LIN7C: variants seen among roughly 807,000 people sequenced by gnomAD.
The protein encoded by LIN7C is protein lin-7 homolog C.
LIN7C carries 17 observed loss-of-function variants against 24.7 expected under a neutral mutation model. The ratio of observed to expected loss-of-function variants is 0.69; its 90% CI spans 0.47 to 1.03. LIN7C has a LOEUF of 1.03. LIN7C is among the 50% of genes least tolerant of loss of function. The pLI, the probability that LIN7C is intolerant of heterozygous loss-of-function variation, is 0.00. For missense variants in LIN7C, 204 were observed against 239.0 expected (o/e 0.85, Z 0.97); for synonymous variants, 90 against 83.4 (o/e 1.08, Z -0.43).
intron 3 of LIN7C, among the ~76,000 whole-genome samples, chr11:27,500,318 C>T (rs1386683557): frequency 6.6e-6 from 1 of 152,024 alleles, no homozygotes; most frequent in African/African-American, 2.4e-5. Context: ...CATGGAGTTG[C>T]CCTTATATGT....
In LIN7C at chr11:27,499,784, G is replaced by A. The variant is rs184419002; in HGVS notation, c.229-216C>T. ...ACTACAGGCGCCTGCCACCACGCCC[G>A]GCTAATTTTTTTGTATTTTTTTTTA... is the stretch of plus-strand genomic sequence containing the variant. On this transcript the variant is annotated intron_variant, in intron 3 of 4. Coordinates refer to ENST00000278193, the MANE Select transcript of LIN7C (RefSeq NM_018362.4). Among the ~76,000 whole-genome samples, 8 of 151,476 alleles carry A rather than the reference G, an allele frequency of 5.3e-5. No individual in the cohort carries two copies. In the South Asian group the frequency reaches 6.2e-4, roughly 12 times the overall value.
chr11:27,500,904 C>T (rs1784591763), intron 3 of LIN7C, among the ~76,000 whole-genome samples: 1 of 152,178 alleles, frequency 6.6e-6, no homozygotes, highest in African/African-American at 2.4e-5. Context: ...CCATAAAAAA[C>T]TATCTGCTGA....
chr11:27,494,512 C>A lies in LIN7C; in HGVS notation c.*4137G>T, dbSNP rs544090352. 15 of 152,136 alleles carry A rather than the reference C, an allele frequency of 9.9e-5. No homozygotes were observed. The highest frequency in any genetic ancestry group is 3.4e-4 in the African/African-American group (14 of 41,526). The allele number at this position is 152,136 out of a possible 1,614,324, so 9.4% of individuals were successfully genotyped here. A position where few individuals can be genotyped will look rare whatever the true frequency, so the allele number is the denominator to read the frequency against. On this transcript the variant is annotated 3_prime_UTR_variant, in exon 5 of 5. Coordinates refer to ENST00000278193, the MANE Select transcript of LIN7C (RefSeq NM_018362.4). ...AGGAATTATGTTTTTTTATACATAC[C>A]TTTCATAAACGTTATCTATTGTGTA...
rs767147469 is a variant in LIN7C, at chr11:27,498,639, T to G, written c.*10A>C. 1.2e-6 allele frequency: 2 copies of G among 1,601,974 alleles called. No homozygotes were observed. The highest frequency in any genetic ancestry group is 2.7e-5 in the African/African-American group (2 of 74,196). On this transcript the variant is annotated 3_prime_UTR_variant, in exon 5 of 5. Transcript: ENST00000278193. ...AAAACGCAAAATGAAATATCAAGTT[T>G]TGAAATGTATTAGGTCTGTTGCCTG...
chr11:27,502,097 G>A (rs537343821), intron 1 of LIN7C, among the ~76,000 whole-genome samples, 177 bp from the exon 2 acceptor site: 3 of 152,290 alleles, frequency 2.0e-5, no homozygotes, highest in South Asian at 4.1e-4. Context: ...GTACACACAT[G>A]GAGGGTGAGA....
rs1035564044 is a variant in LIN7C, at chr11:27,494,985, CAT to C, written c.*3662_*3663del. 1 of 152,582 alleles carries C rather than the reference CAT, an allele frequency of 6.6e-6. No individual in the cohort carries two copies. The highest frequency in any genetic ancestry group is 2.4e-5 in the African/African-American group (1 of 41,430). 9.5% of individuals were successfully genotyped at this position (152,582 alleles called of 1,614,324 possible). On this transcript the variant is annotated 3_prime_UTR_variant, in exon 5 of 5. Transcript: ENST00000278193. ...TTCCACATTATAAAATATTCACAAA[CAT>C]GTAGTTTTTTAAGTCTACACCAGGT...
intron 1 of LIN7C, among the ~76,000 whole-genome samples, chr11:27,502,627 C>T (rs1865237429): frequency 1.3e-5 from 2 of 152,092 alleles, no homozygotes; most frequent in Admixed American, 6.5e-5. Flanking sequence ...TCAATACCAC[C>T]TGTGTGACCT....
At position 27,501,911 on chromosome 11, in the gene LIN7C, C is replaced by T; in HGVS notation, c.47G>A (p.Arg16Lys). ...EPVRLERDIC[R>K]AIELLEKLQR... ...TAGTTTTTCCAATAATTCAATTGCT[C>T]TACAAATATCTAGAGTTAAACACAC... is the stretch of plus-strand genomic sequence containing the variant. The change falls in exon 2 of 5, where the codon AGA (arginine) becomes AAA (lysine). Residue 16 changes from arginine (R) to lysine (K), a missense_variant. Physicochemically the swap from Arg to Lys is conservative, Grantham distance 26. This residue lies in a region of LIN7C where 126 missense variants were observed against 117.8 expected (regional missense o/e 1.07). Transcript: ENST00000278193. 6.3e-7 allele frequency: 1 copy of T among 1,579,668 alleles called. No homozygotes were observed. Among genetic ancestry groups the T allele is most frequent in the Non-Finnish European group, 8.7e-7 (1 of 1,149,238 alleles).
chr11:27,501,617 T>TGAAGTTAAAACTTCAGGC (rs1554974264), intron 2 of LIN7C, 51 bp from the exon 3 acceptor site: 1 of 1,021,544 alleles, frequency 9.8e-7, no homozygotes, highest in Non-Finnish European at 1.5e-6. Context: ...GAGTTCTCTG[T>TGAAGTTAAAACTTCAGGC]GAAGTTAAAA....
Position 27,501,579 on chromosome 11 carries a change from A to G in LIN7C, c.157-13T>C. ...CATGTTCATATACCTGTAAAAGCCA[A>G]AGTTATATCTCAGAATATACCATGC... On this transcript the variant is annotated splice_polypyrimidine_tract_variant and intron_variant, in intron 2 of 4. Coordinates refer to ENST00000278193, the MANE Select transcript of LIN7C (RefSeq NM_018362.4). 6.6e-7 allele frequency: 1 copy of G among 1,518,072 alleles called. No homozygotes were observed. The highest frequency in any genetic ancestry group is 9.0e-7 in the Non-Finnish European group (1 of 1,114,912). 94.0% of individuals were successfully genotyped at this position (1,518,072 alleles called of 1,614,324 possible).
chr11:27,506,059 T>C (rs1590446204), intron 1 of LIN7C, among the ~76,000 whole-genome samples: 1 of 152,198 alleles, frequency 6.6e-6, no homozygotes. Flanking sequence ...AGCCAACCAG[T>C]TTGCAATTGT....
rs1379926132 is a variant in LIN7C at position 27,498,714 on chromosome 11, C to G, written c.529G>C (p.Val177Leu). Reference sequence around the variant, plus strand: ...AAGCGCGACTCCATTTCTTCTAAGACTTTGGGTGTGTATCGTACCACTAAT... The same window carrying G: ...AAGCGCGACTCCATTTCTTCTAAGAGTTTGGGTGTGTATCGTACCACTAAT... ...VKLVVRYTPK[V>L]LEEMESRFEK... The change falls in exon 5 of 5, where the codon GTC (valine) becomes CTC (leucine). Residue 177 changes from valine (V) to leucine (L), a missense_variant. By Grantham distance (32) the Val-to-Leu change is conservative. Around this residue, in one of 3 missense-constraint regions of LIN7C, gnomAD observed 74 missense variants for 99.6 expected, o/e 0.74. Transcript: ENST00000278193. 1 of 1,613,886 alleles carries G rather than the reference C, an allele frequency of 6.2e-7. No individual in the cohort carries two copies. Among genetic ancestry groups the G allele is most frequent in the Non-Finnish European group, 8.5e-7 (1 of 1,179,962 alleles).
Position 27,496,593 on chromosome 11 carries a change from AC to A in LIN7C, c.*2055del, listed in dbSNP as rs1410511129. On this transcript the variant is annotated 3_prime_UTR_variant, in exon 5 of 5. Coordinates refer to ENST00000278193, the MANE Select transcript of LIN7C (RefSeq NM_018362.4). ...CTACTGTACTTGGCTCCTTTGAGCT[AC>A]CCTTATTTTAAGAATTATAAATAGG... 3 of 152,180 alleles carry A rather than the reference AC, an allele frequency of 2.0e-5. No homozygotes were observed. The highest frequency in any genetic ancestry group is 7.2e-5 in the African/African-American group (3 of 41,458). The allele number at this position is 152,180 out of a possible 1,614,324, so 9.4% of individuals were successfully genotyped here.
intron 3 of LIN7C, among the ~76,000 whole-genome samples, chr11:27,501,129 A>T (rs1365342856): frequency 7.9e-5 from 12 of 152,150 alleles, no homozygotes; most frequent in Non-Finnish European, 1.5e-4. Context: ...CCTCATCAAT[A>T]AGATGAGGAT....
At chr11:27,499,675 T>C in intron 3 of LIN7C, 107 bp from the exon 4 acceptor site, 3 of 944,370 alleles carry the variant, frequency 3.2e-6, no homozygotes, top group Non-Finnish European at 4.8e-6. Flanking sequence ...CAGGCTGGAG[T>C]GCAGTGGCGT....
intron 3 of LIN7C, among the ~76,000 whole-genome samples, 197 bp from the exon 4 acceptor site, chr11:27,499,765 G>T (rs1360300620): frequency 1.3e-5 from 2 of 152,066 alleles, no homozygotes; most frequent in African/African-American, 4.8e-5. Flanking sequence ...TGAGACTACA[G>T]GCGCCTGCCA....
rs1282996896 is a variant in LIN7C at position 27,496,059 on chromosome 11, C to T, written c.*2590G>A. ...TTAAGTAGCTGCAAATTGAACTGTT[C>T]TATTTTGATACTTCCTAAGAGTGTC... On this transcript the variant is annotated 3_prime_UTR_variant, in exon 5 of 5. Transcript: ENST00000278193. 6.7e-6 allele frequency: 1 copy of T among 149,026 alleles called. No homozygotes were observed. Among genetic ancestry groups the T allele is most frequent in the Non-Finnish European group, 1.5e-5 (1 of 67,594 alleles). The allele number at this position is 149,026 out of a possible 1,614,324, so 9.2% of individuals were successfully genotyped here.
chr11:27,499,664 A>C, intron 3 of LIN7C, 96 bp from the exon 4 acceptor site: 2 of 1,127,574 alleles, frequency 1.8e-6, no homozygotes, highest in Non-Finnish European at 2.6e-6. Context: ...GCTCTGTCGC[A>C]CAGGCTGGAG....
intron 1 of LIN7C, among the ~76,000 whole-genome samples, chr11:27,503,672 C>A (rs1350597900): frequency 6.6e-6 from 1 of 152,108 alleles, no homozygotes; most frequent in Non-Finnish European, 1.5e-5. Flanking sequence ...CACCACCATG[C>A]TCGGCTAATT....
Sources: gnomAD v4.1 joint callset for allele counts (sites outside exome capture counted in the v4.1 genomes callset) on GRCh38, gnomAD v4.1.1 for gene constraint, gnomAD v4.1.1 regional missense constraint, MANE v1.5 for transcripts, NCBI Gene and HGNC (gene_info 2026-07-23, HGNC 2026-07-21) for gene names.